Variants in EBF2 observed in about 807,000 individuals in gnomAD.
The protein encoded by EBF2 is transcription factor COE2.
Under a neutral mutation model 72.8 loss-of-function variants are expected in EBF2, and 21 were observed. That is an observed-to-expected ratio of 0.29 (90% confidence interval 0.20 to 0.42). EBF2 has a LOEUF of 0.42. Ranked by LOEUF, EBF2 falls within the 10% of genes least tolerant of loss-of-function variation. The probability of loss-of-function intolerance (pLI) is 1.00; values close to 1 mark genes in which losing one functional copy is unlikely to be tolerated. For synonymous variants in EBF2, 299 were observed against 274.2 expected (o/e 1.09, Z -0.89); for missense variants, 637 against 731.2 (o/e 0.87, Z 1.49).
chr8:26,001,241 T>A (rs1804719499), intron 6 of EBF2, among the ~76,000 whole-genome samples: 1 of 152,084 alleles, frequency 6.6e-6, no homozygotes, highest in Non-Finnish European at 1.5e-5. Context: ...ACAGTCTGTG[T>A]CTTATAAGAC....
intron 6 of EBF2, among the ~76,000 whole-genome samples, chr8:25,968,318 A>G (rs1466773698): frequency 6.6e-6 from 1 of 152,242 alleles, no homozygotes; most frequent in African/African-American, 2.4e-5. Context: ...ATAGAAAAAT[A>G]TGGTATAACC....
rs189266902 is a variant in EBF2 at position 25,922,151 on chromosome 8, G to A, written c.552-13596C>T. ...ATCAGCCCCACTTTGCTGAAAACCA[G>A]AACCTGAGTTTATGTTGAAGTTTCA... is the stretch of plus-strand genomic sequence containing the variant. On this transcript the variant is annotated intron_variant, in intron 6 of 15. Coordinates refer to ENST00000520164, the MANE Select transcript of EBF2 (RefSeq NM_022659.4). Among the ~76,000 whole-genome samples, 4 of 152,076 alleles carry A rather than the reference G, an allele frequency of 2.6e-5. No individual in the cohort carries two copies. The East Asian group carries it at 7.7e-4, about 29-fold the overall frequency.
intron 6 of EBF2, among the ~76,000 whole-genome samples, chr8:25,992,191 T>A (rs936285776): frequency 6.6e-6 from 1 of 151,532 alleles, no homozygotes. Context: ...ATACAGAAAA[T>A]TAGCTGGGCA....
chr8:25,954,584 T>C (rs527329915), intron 6 of EBF2, among the ~76,000 whole-genome samples: 1 of 152,310 alleles, frequency 6.6e-6, no homozygotes, highest in South Asian at 2.1e-4. Flanking sequence ...AGGGAATCAA[T>C]GCGGAGGAAA....
At chr8:25,876,620 G>A (rs1802525704) in intron 10 of EBF2, among the ~76,000 whole-genome samples, 2 of 152,076 alleles carry the variant, frequency 1.3e-5, no homozygotes, top group Admixed American at 1.3e-4. Context: ...AAGAGCCAAG[G>A]CATCATCTGC....
Position 26,033,169 on chromosome 8 carries a change from G to A in EBF2, c.483-16C>T. On this transcript the variant is annotated splice_polypyrimidine_tract_variant and intron_variant, in intron 5 of 15. Transcript: ENST00000520164. Reference sequence around the variant, plus strand: ...GCAGCATCGACTGTAGATTGGGAAGGAACCAAGAGTGAAAGAAATTTATTA... The same window carrying A: ...GCAGCATCGACTGTAGATTGGGAAGAAACCAAGAGTGAAAGAAATTTATTA... 2 of 1,613,268 alleles carry A rather than the reference G, an allele frequency of 1.2e-6. No homozygotes were observed. Among genetic ancestry groups the A allele is most frequent in the Non-Finnish European group, 1.7e-6 (2 of 1,179,336 alleles).
chr8:25,860,690 A>ATT (rs11458718), intron 13 of EBF2, among the ~76,000 whole-genome samples: 3 of 151,318 alleles, frequency 2.0e-5, no homozygotes, highest in African/African-American at 7.3e-5. Flanking sequence ...ACACCTGGCT[A>ATT]TTTTTTTATA....
intron 6 of EBF2, among the ~76,000 whole-genome samples, chr8:25,981,105 G>A (rs757255131): frequency 2.0e-5 from 3 of 152,046 alleles, no homozygotes; most frequent in African/African-American, 4.8e-5. Context: ...CTCTGCCCCC[G>A]AAGCCTCCTT....
At position 25,851,934 on chromosome 8, in the gene EBF2, G is replaced by A. The variant is rs540010023; in HGVS notation, c.1529-1173C>T. 3.3e-5 allele frequency among the ~76,000 whole-genome samples: 5 copies of A among 152,202 alleles called. No homozygotes were observed. The East Asian group carries it at 5.8e-4, about 18-fold the overall frequency. ...CCTATAAAAATATATTTTGGGCCAC[G>A]TCCACCCAATTGCCTGTATAAAGCA... On this transcript the variant is annotated intron_variant, in intron 14 of 15. Transcript: ENST00000520164.
rs1805670893 is a variant in EBF2 at position 26,044,646 on chromosome 8, C to T, written c.131+83G>A. 4.6e-6 allele frequency: 7 copies of T among 1,525,352 alleles called. No individual in the cohort carries two copies. The South Asian group carries it at 7.3e-5, about 16-fold the overall frequency. 94.5% of individuals were successfully genotyped at this position (1,525,352 alleles called of 1,614,324 possible). A position where few individuals can be genotyped will look rare whatever the true frequency, so the allele number is the denominator to read the frequency against. On this transcript the variant is annotated intron_variant, in intron 1 of 15. Transcript: ENST00000520164. This position sits in a 1 kb window ranked among gnomAD's most constrained non-coding sequence, Gnocchi z 4.1. The stretch of plus-strand genomic sequence containing the variant: ...GGGGGGACAGGGAGAGAGAAAGGCA[C>T]GGGGTGCGCGGGGGGGGTGCACACG...
rs186774883 is a variant in EBF2, at chr8:25,857,258, G to A, written c.1528+1061C>T. 2.1e-3 allele frequency among the ~76,000 whole-genome samples: 323 copies of A among 152,112 alleles called. 4 individuals are homozygous for A. The highest frequency in any genetic ancestry group is 7.3e-3 in the African/African-American group (303 of 41,478). ...CTTGGTGCTATATCTTTATCTCACC[G>A]TGTAGTGTAGAGTGTATGCATTGAA... On this transcript the variant is annotated intron_variant, in intron 14 of 15. Coordinates refer to ENST00000520164, the MANE Select transcript of EBF2 (RefSeq NM_022659.4).
At chr8:26,023,793 G>A (rs923136012) in intron 6 of EBF2, among the ~76,000 whole-genome samples, 3 of 152,092 alleles carry the variant, frequency 2.0e-5, no homozygotes, top group Non-Finnish European at 4.4e-5. Flanking sequence ...CTGGGGGAGG[G>A]GAAGCAGGGT....
intron 6 of EBF2, among the ~76,000 whole-genome samples, chr8:25,989,480 T>C (rs1804512541): frequency 6.6e-6 from 1 of 152,232 alleles, no homozygotes; most frequent in Admixed American, 6.5e-5. Context: ...AAGTATGTTA[T>C]TTGGCATAGG....
chr8:26,029,144 A>T (rs1030030438), intron 6 of EBF2, among the ~76,000 whole-genome samples: 2 of 152,088 alleles, frequency 1.3e-5, no homozygotes, highest in Non-Finnish European at 2.9e-5. Context: ...GTAAACTCCA[A>T]TGGTTTTCAA....
At chr8:25,925,322 AG>A (rs1803369190) in intron 6 of EBF2, among the ~76,000 whole-genome samples, 1 of 152,080 alleles carries the variant, frequency 6.6e-6, no homozygotes, top group South Asian at 2.1e-4. Flanking sequence ...AGGAGCTGAG[AG>A]GGGTCATCAG....
At chr8:26,002,888 GGGCAGGCAGGCGGGCA>G (rs1335911109) in intron 6 of EBF2, among the ~76,000 whole-genome samples, 37 of 81,532 alleles carry the variant, frequency 4.5e-4, no homozygotes, top group African/African-American at 1.3e-3. Flanking sequence ...GCGGGCAGGC[GGGCAGGCAGGCGGGCA>G]GGCGGGCAGG....
At chr8:25,880,075 C>T (rs914420242) in intron 10 of EBF2, among the ~76,000 whole-genome samples, 5 of 152,148 alleles carry the variant, frequency 3.3e-5, no homozygotes, top group African/African-American at 7.2e-5. Context: ...AGATACCTAA[C>T]GTTCTCCTCT....
At chr8:26,020,443 C>G (rs973680045) in intron 6 of EBF2, among the ~76,000 whole-genome samples, 1 of 152,114 alleles carries the variant, frequency 6.6e-6, no homozygotes, top group African/African-American at 2.4e-5. Flanking sequence ...TATTCTTCAT[C>G]GGGGAATGAA....
intron 10 of EBF2, among the ~76,000 whole-genome samples, chr8:25,863,137 CTCTT>C (rs144317404): frequency 0.025 from 3,767 of 152,138 alleles, 49 homozygotes; most frequent in Non-Finnish European, 0.03. Context: ...TTTCTCTTAT[CTCTT>C]TCTTAAGTAG....
Sources: allele counts gnomAD v4.1 joint callset (sites outside exome capture counted in the v4.1 genomes callset), GRCh38; gene constraint gnomAD v4.1.1; non-coding constraint Gnocchi (gnomAD v3.1); transcripts MANE v1.5; gene names NCBI Gene and HGNC (gene_info 2026-07-23, HGNC 2026-07-21).